The following ZYG11B variants were observed in gnomAD, a reference collection of about 807,000 sequenced individuals.
The protein encoded by ZYG11B is zyg-11 family member B, cell cycle regulator, also known as protein zyg-11 homolog B.
In ZYG11B, 36 loss-of-function variants were observed where a neutral mutation model predicts 82.4. That is an observed-to-expected ratio of 0.44 (90% CI 0.33 to 0.58). ZYG11B has a LOEUF of 0.58. ZYG11B is among the 20% of genes least tolerant of loss of function. The probability of loss-of-function intolerance (pLI) is 0.02; values close to 1 mark genes in which losing one functional copy is unlikely to be tolerated. For missense variants in ZYG11B, 552 were observed against 895.6 expected (o/e 0.62, Z 4.90); for synonymous variants, 303 against 312.8 (o/e 0.97, Z 0.33).
intron 1 of ZYG11B, among the ~76,000 whole-genome samples, chr1:52,755,105 C>T (rs1040360702): frequency 5.9e-5 from 9 of 151,820 alleles, no homozygotes; most frequent in East Asian, 1.9e-4. Context: ...GGACTACAGG[C>T]GCCCGCCACC....
At chr1:52,740,649 C>T (rs530213376) in intron 1 of ZYG11B, among the ~76,000 whole-genome samples, 3 of 151,586 alleles carry the variant, frequency 2.0e-5, no homozygotes, top group South Asian at 4.2e-4. Context: ...CTGCGACCTC[C>T]GCCTCCGGGG....
chr1:52,763,001 C>CTTTTTTTGTCATT (rs1472019863), intron 2 of ZYG11B, among the ~76,000 whole-genome samples: 23 of 133,346 alleles, frequency 1.7e-4, no homozygotes, highest in Non-Finnish European at 3.5e-4. Context: ...TAGTTTCATT[C>CTTTTTTTGTCATT]TTTTGTCTGT....
intron 13 of ZYG11B, 89 bp downstream of exon 13, chr1:52,816,718 G>T: frequency 1.1e-6 from 1 of 890,730 alleles, no homozygotes; most frequent in African/African-American, 1.8e-5. Flanking sequence ...GTGTATTAAA[G>T]TGATTTTTAA....
At chr1:52,788,241 C>T (rs1644929762) in intron 5 of ZYG11B, among the ~76,000 whole-genome samples, 1 of 152,048 alleles carries the variant, frequency 6.6e-6, no homozygotes, top group Non-Finnish European at 1.5e-5. Context: ...AAGAAAATTC[C>T]TAAATACTTG....
intron 1 of ZYG11B, among the ~76,000 whole-genome samples, chr1:52,742,306 G>A (rs1295691283): frequency 1.3e-5 from 2 of 152,012 alleles, no homozygotes; most frequent in Non-Finnish European, 2.9e-5. Context: ...CAAAAAATTA[G>A]CCAGACATGA....
chr1:52,792,568 A>G (rs1158502926), intron 6 of ZYG11B, among the ~76,000 whole-genome samples: 7 of 152,218 alleles, frequency 4.6e-5, no homozygotes, highest in Non-Finnish European at 1.5e-5. Context: ...AGGTAATAAG[A>G]TAGTAAGTAG....
chr1:52,770,899 A>G lies in ZYG11B; in HGVS notation c.197-121A>G, dbSNP rs1267662591. Reference sequence around the variant, plus strand: ...AACAATAATAATCTCACCTAAATGAATTGTGATTATCAGACGAGATACTGT... The same window carrying G: ...AACAATAATAATCTCACCTAAATGAGTTGTGATTATCAGACGAGATACTGT... On this transcript the variant is annotated intron_variant, in intron 2 of 13. Coordinates refer to ENST00000294353, the MANE Select transcript of ZYG11B (RefSeq NM_024646.3). 1.4e-5 allele frequency: 16 copies of G among 1,105,634 alleles called. No homozygotes were observed. In the East Asian group the frequency reaches 3.3e-4, roughly 23 times the overall value. The allele number at this position is 1,105,634 out of a possible 1,614,324, so 68.5% of individuals were successfully genotyped here. A position where few individuals can be genotyped will look rare whatever the true frequency, so the allele number is the denominator to read the frequency against.
At chr1:52,783,610 C>CTTT (rs1156857504) in intron 4 of ZYG11B, among the ~76,000 whole-genome samples, 1 of 131,534 alleles carries the variant, frequency 7.6e-6, no homozygotes, top group Non-Finnish European at 1.6e-5. Flanking sequence ...TTCTTTCTTT[C>CTTT]TTTTTTTTTT....
At chr1:52,803,195 T>TAG (rs1645103504) in intron 10 of ZYG11B, among the ~76,000 whole-genome samples, 1 of 82,422 alleles carries the variant, frequency 1.2e-5, no homozygotes, top group African/African-American at 1.0e-4. Context: ...TATACACATA[T>TAG]ATATATATAC....
At chr1:52,788,163 G>A (rs1449904782) in intron 5 of ZYG11B, among the ~76,000 whole-genome samples, 1 of 152,034 alleles carries the variant, frequency 6.6e-6, no homozygotes, top group East Asian at 1.9e-4. Context: ...CCAGGTTAGG[G>A]CCAGATTTGA....
At chr1:52,803,609 T>G (rs1197656293) in intron 10 of ZYG11B, among the ~76,000 whole-genome samples, 2 of 152,068 alleles carry the variant, frequency 1.3e-5, no homozygotes, top group African/African-American at 4.8e-5. Context: ...CTTTTTTAAA[T>G]TTATTTTTGA....
At chr1:52,761,147 A>G (rs190284012) in intron 2 of ZYG11B, among the ~76,000 whole-genome samples, 14 of 152,316 alleles carry the variant, frequency 9.2e-5, no homozygotes, top group Admixed American at 5.9e-4. Flanking sequence ...CTGTATAGTG[A>G]TAAGATTGGA....
rs868245224 is a variant in ZYG11B at position 52,796,957 on chromosome 1, T to C, written c.1485+173T>C. 5.3e-3 allele frequency among the ~76,000 whole-genome samples: 482 copies of C among 90,550 alleles called. 2 individuals are homozygous for C. The highest frequency in any genetic ancestry group is 0.025 in the African/African-American group (468 of 18,536). 59.4% of individuals were successfully genotyped at this position (90,550 alleles called of 152,430 possible). A position where few individuals can be genotyped will look rare whatever the true frequency, so the allele number is the denominator to read the frequency against. ...ATATTATATATAATGTATAATTATA[T>C]ATTATATATAATATATATAAATATA... On this transcript the variant is annotated intron_variant, in intron 8 of 13. Transcript: ENST00000294353.
intron 6 of ZYG11B, among the ~76,000 whole-genome samples, chr1:52,792,725 A>G (rs1644969901): frequency 6.6e-6 from 1 of 152,244 alleles, no homozygotes; most frequent in African/African-American, 2.4e-5. Context: ...TTATATTAGT[A>G]AAAATTAACT....
chr1:52,788,121 G>A (rs1246606371), intron 5 of ZYG11B, among the ~76,000 whole-genome samples: 3 of 152,118 alleles, frequency 2.0e-5, no homozygotes, highest in Non-Finnish European at 4.4e-5. Context: ...CTGGAGTGTA[G>A]GAAGGGCAGT....
rs188272645 is a variant in ZYG11B, at chr1:52,756,798, T to C, written c.196+175T>C. On this transcript the variant is annotated intron_variant, in intron 2 of 13. Coordinates refer to ENST00000294353, the MANE Select transcript of ZYG11B (RefSeq NM_024646.3). ...CCTATCTTGCCTCTTACTGTGTAATTTATAATAAACATTTTTCTTTTTTTT... is the reference window on the plus strand; with the variant it reads ...CCTATCTTGCCTCTTACTGTGTAATCTATAATAAACATTTTTCTTTTTTTT... Among the ~76,000 whole-genome samples the C allele has an allele frequency of 3.3e-5, 5 of 151,968 alleles. 1 individual carries two copies. Among genetic ancestry groups the C allele is most frequent in the African/African-American group, 1.2e-4 (5 of 41,438 alleles).
At chr1:52,801,538 G>A (rs576374806) in intron 8 of ZYG11B, among the ~76,000 whole-genome samples, 1 of 92,016 alleles carries the variant, frequency 1.1e-5, no homozygotes, top group Admixed American at 1.2e-4. Context: ...TATATGCTGT[G>A]ACTGAATAAG....
chr1:52,801,675 C>T lies in ZYG11B; in HGVS notation c.1486-144C>T, dbSNP rs563361601. ...CATTTTTCTTGAAGAAAAGTTCAGT[C>T]CAAGGGGCTGTTTGTTATAAGTACC... On this transcript the variant is annotated intron_variant, in intron 8 of 13. Transcript: ENST00000294353. 3 of 603,912 alleles carry T rather than the reference C, an allele frequency of 5.0e-6. No individual in the cohort carries two copies. The African/African-American group carries it at 5.6e-5, about 11-fold the overall frequency. 37.4% of individuals were successfully genotyped at this position (603,912 alleles called of 1,614,324 possible).
chr1:52,749,744 G>A (rs977249421), intron 1 of ZYG11B, among the ~76,000 whole-genome samples: 1 of 152,088 alleles, frequency 6.6e-6, no homozygotes, highest in Non-Finnish European at 1.5e-5. Context: ...TTAGAGACAG[G>A]GTTTTGCCAT....
Sources: allele counts gnomAD v4.1 joint callset (sites outside exome capture counted in the v4.1 genomes callset), GRCh38; gene constraint gnomAD v4.1.1; transcripts MANE v1.5; gene names NCBI Gene and HGNC (gene_info 2026-07-23, HGNC 2026-07-21).